TRPM3: variants seen among roughly 807,000 people sequenced by gnomAD.
TRPM3 encodes the protein transient receptor potential cation channel subfamily M member 3, also known as long transient receptor potential channel 3.
A neutral mutation model predicts 181.2 loss-of-function variants in TRPM3; 77 were observed. That is an observed-to-expected ratio of 0.42 (90% CI 0.35 to 0.51). TRPM3 has a LOEUF of 0.51. TRPM3 is among the 20% of genes least tolerant of loss of function. The pLI is 0.01. For synonymous variants in TRPM3, 745 were observed against 796.4 expected, an observed-to-expected ratio of 0.94 and a Z score of 1.09; for missense variants, 1,759 against 2,196.7, an observed-to-expected ratio of 0.80 and a Z score of 3.98.
chr9:70,547,047 A>G (rs955184671), intron 25 of TRPM3, among the ~76,000 whole-genome samples: 9 of 152,182 alleles, frequency 5.9e-5, no homozygotes, highest in African/African-American at 2.2e-4. Flanking sequence ...AACGTGTATA[A>G]ATAACTTGTG....
At chr9:71,025,182 A>T (rs1447312684) in intron 1 of TRPM3, among the ~76,000 whole-genome samples, 1 of 152,222 alleles carries the variant, frequency 6.6e-6, no homozygotes, top group Admixed American at 6.5e-5. Flanking sequence ...TAGAAGCTAT[A>T]ATAATCACTT....
chr9:70,851,657 A>G (rs1010280425), intron 3 of TRPM3, among the ~76,000 whole-genome samples: 2 of 152,188 alleles, frequency 1.3e-5, no homozygotes, highest in East Asian at 3.9e-4. Flanking sequence ...AATGTTTGTT[A>G]CTCAGCTAGT....
chr9:71,445,409 C>T (rs1428583288), intron 1 of TRPM3, among the ~76,000 whole-genome samples: 1 of 152,132 alleles, frequency 6.6e-6, no homozygotes, highest in Non-Finnish European at 1.5e-5. Context: ...AACAATATTT[C>T]TACACCTGAA....
chr9:70,659,473 G>T (rs1293949944), intron 9 of TRPM3, among the ~76,000 whole-genome samples: 1 of 152,022 alleles, frequency 6.6e-6, no homozygotes, highest in Non-Finnish European at 1.5e-5. Flanking sequence ...ATGGAACAAA[G>T]TTCCATTAAA....
At chr9:70,586,928 C>T (rs1282067473) in intron 22 of TRPM3, among the ~76,000 whole-genome samples, 1 of 151,898 alleles carries the variant, frequency 6.6e-6, no homozygotes, top group Admixed American at 6.6e-5. Flanking sequence ...GCTTTACATG[C>T]ACACACATGA....
chr9:71,356,799 C>T (rs7859507), intron 1 of TRPM3, among the ~76,000 whole-genome samples: 3,623 of 152,108 alleles, frequency 0.024, 118 homozygotes, highest in African/African-American at 0.077. Context: ...TTGTGTATTC[C>T]AGCCCCGAGC....
At chr9:70,828,686 A>T in intron 5 of TRPM3, among the ~76,000 whole-genome samples, 1 of 144,440 alleles carries the variant, frequency 6.9e-6, no homozygotes. Context: ...GAGCAATTTC[A>T]GTGTGGCCTT....
At chr9:71,253,365 A>G (rs565261517) in intron 1 of TRPM3, among the ~76,000 whole-genome samples, 2 of 152,268 alleles carry the variant, frequency 1.3e-5, no homozygotes, top group African/African-American at 4.8e-5. Flanking sequence ...ACATTTGGCA[A>G]TATTTAAAGA....
Position 70,570,932 on chromosome 9 carries a change from T to C in TRPM3, c.3224-17622A>G, listed in dbSNP as rs77518141. Among the ~76,000 whole-genome samples, 677 of 152,354 alleles carry C rather than the reference T, an allele frequency of 4.4e-3. 29 individuals are homozygous for C. The East Asian group carries it at 0.099, about 22-fold the overall frequency. ...ATTCTTTTTCTTTCCTTTTATTCCA[T>C]TGTCTTTCATTTCCTTGCTTATTTT... is the stretch of plus-strand genomic sequence containing the variant. On this transcript the variant is annotated intron_variant, in intron 22 of 25. Transcript: ENST00000677713.
chr9:71,411,834 C>T (rs1197953808), intron 1 of TRPM3, among the ~76,000 whole-genome samples: 2 of 152,284 alleles, frequency 1.3e-5, no homozygotes, highest in Admixed American at 1.3e-4. Context: ...ATCATGCTAC[C>T]TGACTTCAAA....
chr9:71,064,225 T>G (rs2061645367), intron 1 of TRPM3, among the ~76,000 whole-genome samples: 1 of 152,062 alleles, frequency 6.6e-6, no homozygotes, highest in Admixed American at 6.6e-5. Flanking sequence ...GATTACAAAG[T>G]TTTTCAGATT....
intron 1 of TRPM3, among the ~76,000 whole-genome samples, chr9:71,371,479 T>C (rs1171946874): frequency 6.6e-6 from 1 of 152,206 alleles, no homozygotes; most frequent in Non-Finnish European, 1.5e-5. Context: ...TAACTACAGA[T>C]GTAGTAGAAC....
At chr9:70,984,671 G>A (rs780422403) in intron 1 of TRPM3, among the ~76,000 whole-genome samples, 10 of 152,206 alleles carry the variant, frequency 6.6e-5, no homozygotes, top group Non-Finnish European at 1.2e-4. Context: ...ATGTGGCCAG[G>A]AGACAAGGAA....
intron 1 of TRPM3, among the ~76,000 whole-genome samples, chr9:71,378,830 C>A (rs1050990877): frequency 4.1e-4 from 62 of 152,080 alleles, no homozygotes; most frequent in African/African-American, 1.4e-3. Flanking sequence ...AGCCTTTATA[C>A]TAAATACTAT....
At chr9:71,141,823 T>A (rs1231080248) in intron 1 of TRPM3, among the ~76,000 whole-genome samples, 1 of 152,204 alleles carries the variant, frequency 6.6e-6, no homozygotes, top group Non-Finnish European at 1.5e-5. Flanking sequence ...TCTCAATTAC[T>A]TTGGCAATGA....
At chr9:71,322,303 A>G (rs1039377076) in intron 1 of TRPM3, among the ~76,000 whole-genome samples, 2 of 152,168 alleles carry the variant, frequency 1.3e-5, no homozygotes, top group Non-Finnish European at 2.9e-5. Flanking sequence ...AATTTTGCAC[A>G]GATAATTCAC....
At chr9:70,849,794 T>C (rs905341681) in intron 3 of TRPM3, among the ~76,000 whole-genome samples, 1 of 131,922 alleles carries the variant, frequency 7.6e-6, no homozygotes, top group Non-Finnish European at 1.7e-5. Context: ...TACAAACATA[T>C]GCTTTTTGAT....
At chr9:71,330,923 G>A (rs376821847) in intron 1 of TRPM3, among the ~76,000 whole-genome samples, 2 of 151,784 alleles carry the variant, frequency 1.3e-5, no homozygotes, top group East Asian at 1.9e-4. Flanking sequence ...GCCTAGATAC[G>A]TCTCCATTTG....
chr9:71,341,669 TA>T (rs55885675), intron 1 of TRPM3, among the ~76,000 whole-genome samples: 6 of 150,510 alleles, frequency 4.0e-5, no homozygotes, highest in East Asian at 1.9e-4. Context: ...AAGAAACTAG[TA>T]AAAAAAAAAA....
Sources: allele counts gnomAD v4.1 joint callset (sites outside exome capture counted in the v4.1 genomes callset), GRCh38; gene constraint gnomAD v4.1.1; transcripts MANE v1.5; gene names NCBI Gene and HGNC (gene_info 2026-07-23, HGNC 2026-07-21).